Variants in ANKRD30A observed in about 807,000 individuals in gnomAD.
The protein encoded by ANKRD30A is ankyrin repeat domain-containing protein 30A.
In ANKRD30A, 170 loss-of-function variants were observed where a neutral mutation model predicts 166.3. That is an observed-to-expected ratio of 1.02 (90% CI 0.90 to 1.16). ANKRD30A has a LOEUF of 1.16. Ranked by LOEUF, ANKRD30A falls within the 50% of genes most tolerant of loss-of-function variation. ANKRD30A has a pLI of 0.00. For synonymous variants in ANKRD30A, 564 were observed against 508.9 expected, an observed-to-expected ratio of 1.11 and a Z score of -1.46; for missense variants, 1,630 against 1,518.0, an observed-to-expected ratio of 1.07 and a Z score of -1.23.
At chr10:37,217,943 T>G (rs754700802) in intron 33 of ANKRD30A, 65 bp downstream of exon 33, 63 of 1,198,124 alleles carry the variant, frequency 5.3e-5, no homozygotes, top group Non-Finnish European at 6.9e-5. Context: ...ACTTTTAATA[T>G]CCCTTTGATT....
At chr10:37,230,031 G>T (rs1189112616) in intron 34 of ANKRD30A, among the ~76,000 whole-genome samples, 2 of 151,804 alleles carry the variant, frequency 1.3e-5, no homozygotes, top group Non-Finnish European at 2.9e-5. Flanking sequence ...GACACAAGCA[G>T]AAACTCAAGA....
chr10:37,159,574 A>G (rs1311100720), intron 15 of ANKRD30A, among the ~76,000 whole-genome samples: 1 of 152,212 alleles, frequency 6.6e-6, no homozygotes, highest in Non-Finnish European at 1.5e-5. Flanking sequence ...GACCATGTGT[A>G]CAATTTGTTT....
the ANKRD30A span, among the ~76,000 whole-genome samples, chr10:37,265,611 A>G: frequency 6.6e-6 from 1 of 152,214 alleles, no homozygotes; most frequent in Admixed American, 6.5e-5. Flanking sequence ...TTCCAGATCA[A>G]GGCCAGTTTG....
intron 31 of ANKRD30A, among the ~76,000 whole-genome samples, chr10:37,213,231 G>T (rs150125138): frequency 1.6e-4 from 24 of 151,976 alleles, no homozygotes; most frequent in African/African-American, 5.8e-4. Flanking sequence ...AAGCTGCACA[G>T]TTCAAGATCA....
rs747832823 is a variant in ANKRD30A, at chr10:37,130,335, C to G, written c.467C>G (p.Ala156Gly). 1 of 1,578,888 alleles carries G rather than the reference C, an allele frequency of 6.3e-7. No homozygotes were observed. The highest frequency in any genetic ancestry group is 8.6e-7 in the Non-Finnish European group (1 of 1,163,326). Residue 156 changes from alanine to glycine, a missense_variant, in exon 3 of 36, where the codon GCA becomes GGA. Coordinates refer to ENST00000361713, the MANE Select transcript of ANKRD30A (RefSeq NM_052997.3). The part of the protein sequence containing the change: ...AVYSEILSVV[A>G]KLLSHGAVIE... ...TATAGTGAGATTTTGTCAGTGGTGG[C>G]AAAACTGCTGTCCCATGGTGCAGTC...
At chr10:37,126,111 A>T (rs1302176900) in intron 1 of ANKRD30A, 103 bp downstream of exon 1, 31 of 1,262,692 alleles carry the variant, frequency 2.5e-5, no homozygotes, top group Non-Finnish European at 3.2e-5. Context: ...AGAAGGGAGC[A>T]GGTGGAGGAG....
chr10:37,205,613 T>A (rs1841942922), intron 31 of ANKRD30A, among the ~76,000 whole-genome samples: 1 of 152,090 alleles, frequency 6.6e-6, no homozygotes, highest in African/African-American at 2.4e-5. Flanking sequence ...ACAAAAAAAA[T>A]TTCCACCCGT....
chr10:37,265,422 T>C, the ANKRD30A span, among the ~76,000 whole-genome samples: 1 of 152,168 alleles, frequency 6.6e-6, no homozygotes, highest in Non-Finnish European at 1.5e-5. Flanking sequence ...TGCTGGGCCC[T>C]GTATTTAGGG....
chr10:37,194,491 C>G (rs1328735349), intron 27 of ANKRD30A, among the ~76,000 whole-genome samples: 1 of 151,966 alleles, frequency 6.6e-6, no homozygotes, highest in Admixed American at 6.6e-5. Context: ...CAGGCGCGTG[C>G]CACCACGCCT....
chr10:37,155,014 T>C (rs1838253750), intron 13 of ANKRD30A, among the ~76,000 whole-genome samples: 1 of 152,158 alleles, frequency 6.6e-6, no homozygotes. Context: ...AGGAAGCAAA[T>C]TGTGTTGGTA....
Position 37,219,200 on chromosome 10 carries a change from A to G in ANKRD30A, c.3488A>G (p.Gln1163Arg). The change falls in exon 34 of 36, where the codon CAA (glutamine) becomes CGA (arginine). Residue 1163 changes from glutamine (Q) to arginine (R), a missense_variant. Physicochemically the swap from Gln to Arg is conservative, Grantham distance 43 (BLOSUM62 1). Around this residue, in one of 4 missense-constraint regions of ANKRD30A, gnomAD observed 712 missense variants for 629.3 expected, o/e 1.13. Coordinates refer to ENST00000361713, the MANE Select transcript of ANKRD30A (RefSeq NM_052997.3). Reference protein sequence around the residue: ...KEESLTKRASQYSGQLKVLIA... With the variant: ...KEESLTKRASRYSGQLKVLIA... ...GAATCATTAACTAAAAGGGCATCTC[A>G]ATATAGTGGGCAGCTTAAAGTTCTG... The G allele has an allele frequency of 6.2e-7, 1 of 1,610,654 alleles. No homozygotes were observed. The highest frequency in any genetic ancestry group is 8.5e-7 in the Non-Finnish European group (1 of 1,177,596).
At chr10:37,159,451 A>G (rs12769450) in intron 15 of ANKRD30A, among the ~76,000 whole-genome samples, 1 of 152,118 alleles carries the variant, frequency 6.6e-6, no homozygotes, top group Non-Finnish European at 1.5e-5. Flanking sequence ...CTAGGAGGCA[A>G]AAGTTGCAGT....
the ANKRD30A span, among the ~76,000 whole-genome samples, chr10:37,248,855 G>T: frequency 6.6e-6 from 1 of 152,122 alleles, no homozygotes; most frequent in Non-Finnish European, 1.5e-5. Context: ...TTCACAGCTG[G>T]AAGTGGCAGA....
At chr10:37,251,149 A>G in the ANKRD30A span, among the ~76,000 whole-genome samples, 2 of 152,164 alleles carry the variant, frequency 1.3e-5, no homozygotes, top group African/African-American at 2.4e-5. Flanking sequence ...TGCTCTGTAG[A>G]GAAAAACATA....
chr10:37,240,780 G>A, the ANKRD30A span: 1 of 152,188 alleles, frequency 6.6e-6, no homozygotes, highest in Middle Eastern at 3.4e-3. Context: ...CTATCTGTGT[G>A]TTCCAGTAGT....
chr10:37,198,382 A>G (rs1385175627), intron 29 of ANKRD30A, among the ~76,000 whole-genome samples: 4 of 152,128 alleles, frequency 2.6e-5, no homozygotes, highest in Admixed American at 6.5e-5. Context: ...ATAAAATTCC[A>G]TTTTATGACA....
the ANKRD30A span, among the ~76,000 whole-genome samples, chr10:37,247,319 C>T: frequency 1.6e-3 from 249 of 152,208 alleles, 3 homozygotes; most frequent in African/African-American, 5.6e-3. Context: ...TCATTTTACA[C>T]GGGAAGGTAG....
intron 27 of ANKRD30A, among the ~76,000 whole-genome samples, chr10:37,194,233 T>C (rs1355996143): frequency 9.2e-5 from 14 of 152,118 alleles, no homozygotes; most frequent in Admixed American, 9.2e-4. Flanking sequence ...AACATATGTG[T>C]GGTTATAGAC....
chr10:37,249,607 C>A, the ANKRD30A span, among the ~76,000 whole-genome samples: 2 of 152,128 alleles, frequency 1.3e-5, no homozygotes, highest in African/African-American at 4.8e-5. Flanking sequence ...AACTTGTAAA[C>A]TTTTAAATAA....
Sources: allele counts gnomAD v4.1 joint callset (sites outside exome capture counted in the v4.1 genomes callset), GRCh38; gene constraint gnomAD v4.1.1; regional missense constraint gnomAD v4.1.1; transcripts MANE v1.5; gene names NCBI Gene and HGNC (gene_info 2026-07-23, HGNC 2026-07-21).